Variants in ANK3 observed in about 807,000 individuals in gnomAD.
The protein encoded by ANK3 is ankyrin-3.
Under a neutral mutation model 370.9 loss-of-function variants are expected in ANK3, and 57 were observed. The ratio of observed to expected loss-of-function variants is 0.15; its 90% CI spans 0.12 to 0.19. The LOEUF is 0.19. Among genes scored for constraint, ANK3 ranks in the 10% least tolerant of loss-of-function variants. The pLI, the probability that ANK3 is intolerant of heterozygous loss-of-function variation, is 1.00. For missense variants in ANK3, 4,439 were observed against 5,302.1 expected (o/e 0.84, Z 5.06); for synonymous variants, 1,929 against 1,946.3 (o/e 0.99, Z 0.23).
At chr10:60,587,556 A>G (rs2077849735) in intron 2 of ANK3, among the ~76,000 whole-genome samples, 1 of 152,184 alleles carries the variant, frequency 6.6e-6, no homozygotes, top group African/African-American at 2.4e-5. Flanking sequence ...AGCTGTCAAA[A>G]TCCACTGCAG....
At chr10:60,558,529 A>G (rs1384627461) in intron 2 of ANK3, among the ~76,000 whole-genome samples, 1 of 152,220 alleles carries the variant, frequency 6.6e-6, no homozygotes, top group African/African-American at 2.4e-5. Flanking sequence ...CGCTCAGTGC[A>G]TAGTTCTCTC....
In ANK3 at chr10:60,100,772, C is replaced by T. The variant is rs141083833; in HGVS notation, c.3328+5133G>A. 2.3e-4 allele frequency among the ~76,000 whole-genome samples: 35 copies of T among 152,186 alleles called. No individual in the cohort carries two copies. The East Asian group carries it at 6.8e-3, about 29-fold the overall frequency. ...TGGCATAATTCATATATACTCAAAGCCTTCCGTGTAATACTTAGGTAGCAA... is the reference window on the plus strand; with the variant it reads ...TGGCATAATTCATATATACTCAAAGTCTTCCGTGTAATACTTAGGTAGCAA... On this transcript the variant is annotated intron_variant, in intron 28 of 43. Transcript: ENST00000280772.
chr10:60,117,103 T>C (rs946240092), intron 25 of ANK3, among the ~76,000 whole-genome samples: 2 of 152,110 alleles, frequency 1.3e-5, no homozygotes, highest in African/African-American at 4.8e-5. Flanking sequence ...ACCAGCTAAA[T>C]TAAAAACAAG....
At chr10:60,340,088 TA>T (rs2053908481) in intron 1 of ANK3, among the ~76,000 whole-genome samples, 1 of 152,206 alleles carries the variant, frequency 6.6e-6, no homozygotes, top group Non-Finnish European at 1.5e-5. Context: ...AGGTACTTTT[TA>T]AAATTTTATT....
intron 16 of ANK3, among the ~76,000 whole-genome samples, chr10:60,187,993 A>G (rs974335684): frequency 6.6e-6 from 1 of 152,026 alleles, no homozygotes; most frequent in African/African-American, 2.4e-5. Context: ...GACTCTTATC[A>G]AAGTCCTGGG....
At chr10:60,581,954 A>G (rs2077760339) in intron 2 of ANK3, among the ~76,000 whole-genome samples, 1 of 152,190 alleles carries the variant, frequency 6.6e-6, no homozygotes, top group African/African-American at 2.4e-5. Context: ...AAAAAGGATG[A>G]GTTCATGTTA....
chr10:60,341,140 T>C (rs2054193669), intron 1 of ANK3, among the ~76,000 whole-genome samples: 2 of 152,262 alleles, frequency 1.3e-5, no homozygotes, highest in East Asian at 1.9e-4. Context: ...ATCTTTCTTT[T>C]CTCTCCAGTC....
intron 41 of ANK3, among the ~76,000 whole-genome samples, chr10:60,056,601 GT>G (rs1159033526): frequency 1.3e-5 from 2 of 152,144 alleles, no homozygotes; most frequent in Non-Finnish European, 2.9e-5. Context: ...ACAAACTGCA[GT>G]TCTACAGCTA....
chr10:60,587,053 G>A (rs1212455736), intron 2 of ANK3, among the ~76,000 whole-genome samples: 2 of 152,172 alleles, frequency 1.3e-5, no homozygotes, highest in Admixed American at 6.5e-5. Context: ...TGGCTGGGGA[G>A]GCCTTGGAAA....
At position 60,724,472 on chromosome 10, in the gene ANK3, C is replaced by CA. The variant is rs1301257127; in HGVS notation, c.57+8790dup. On this transcript the variant is annotated intron_variant, in intron 1 of 43. Transcript: ENST00000373827. ...CGATATCCTTTAAGGATAGTATACA[C>CA]ATAGCAAACTATTTTTAGATACAAT... 7.2e-5 allele frequency among the ~76,000 whole-genome samples: 11 copies of CA among 152,234 alleles called. No homozygotes were observed. In the East Asian group the frequency reaches 2.1e-3, roughly 29 times the overall value.
At chr10:60,576,092 G>A (rs2077679415) in intron 2 of ANK3, among the ~76,000 whole-genome samples, 1 of 152,070 alleles carries the variant, frequency 6.6e-6, no homozygotes, top group African/African-American at 2.4e-5. Flanking sequence ...CAGCTCTTGG[G>A]GAAGTTAAAT....
intron 2 of ANK3, among the ~76,000 whole-genome samples, chr10:60,458,397 C>A (rs908879517): frequency 2.0e-5 from 3 of 152,018 alleles, no homozygotes; most frequent in African/African-American, 7.2e-5. Context: ...GTCTGGTACA[C>A]CTTAGGTTAC....
intron 23 of ANK3, among the ~76,000 whole-genome samples, chr10:60,166,256 A>G (rs917600787): frequency 6.6e-6 from 1 of 152,162 alleles, no homozygotes; most frequent in African/African-American, 2.4e-5. Flanking sequence ...AATCATAAAC[A>G]TTAACCAGTT....
chr10:60,530,551 C>A (rs550197110), intron 2 of ANK3, among the ~76,000 whole-genome samples: 40 of 152,082 alleles, frequency 2.6e-4, no homozygotes, highest in African/African-American at 8.2e-4. Context: ...GCACCTCAGG[C>A]ACACGGGCAG....
chr10:60,630,363 A>C (rs1269375641), intron 1 of ANK3, among the ~76,000 whole-genome samples: 1 of 152,208 alleles, frequency 6.6e-6, no homozygotes, highest in African/African-American at 2.4e-5. Context: ...TGGATGTACA[A>C]TTATTTATTT....
intron 2 of ANK3, among the ~76,000 whole-genome samples, chr10:60,411,321 A>G (rs751626951): frequency 6.6e-6 from 1 of 152,256 alleles, no homozygotes; most frequent in Non-Finnish European, 1.5e-5. Flanking sequence ...CAATAACTGT[A>G]CTTTCTGGTC....
intron 9 of ANK3, among the ~76,000 whole-genome samples, chr10:60,211,133 TGAGACTTG>T (rs577779217): frequency 8.5e-4 from 129 of 152,238 alleles, no homozygotes; most frequent in Non-Finnish European, 1.2e-3. Context: ...GAAGATAAAG[TGAGACTTG>T]GGGCTGCAAA....
chr10:60,537,281 A>T (rs1169519384), intron 2 of ANK3, among the ~76,000 whole-genome samples: 1 of 152,040 alleles, frequency 6.6e-6, no homozygotes, highest in Non-Finnish European at 1.5e-5. Flanking sequence ...AGATTTGGGG[A>T]GAAAATATAA....
intron 2 of ANK3, among the ~76,000 whole-genome samples, chr10:60,431,651 G>T (rs965477106): frequency 6.6e-6 from 1 of 152,124 alleles, no homozygotes; most frequent in African/African-American, 2.4e-5. Flanking sequence ...CTGTTAGCTG[G>T]TGGGGGGGCT....
Sources: allele counts gnomAD v4.1 joint callset (sites outside exome capture counted in the v4.1 genomes callset), GRCh38; gene constraint gnomAD v4.1.1; transcripts MANE v1.5; gene names NCBI Gene and HGNC (gene_info 2026-07-23, HGNC 2026-07-21).